P2RX3: variants seen among roughly 807,000 people sequenced by gnomAD.
The protein encoded by P2RX3 is purinergic receptor P2X 3.
A neutral mutation model predicts 51.5 loss-of-function variants in P2RX3; 41 were observed. The ratio of observed to expected loss-of-function variants is 0.80; its 90% CI spans 0.62 to 1.03. P2RX3 has a LOEUF of 1.03. P2RX3 is among the 50% of genes least tolerant of loss of function. The probability of loss-of-function intolerance (pLI) is 0.00; values close to 1 mark genes in which losing one functional copy is unlikely to be tolerated. For missense variants in P2RX3, 459 were observed against 522.1 expected (o/e 0.88, Z 1.18); for synonymous variants, 185 against 191.6 (o/e 0.97, Z 0.29).
rs555096114 is a variant in P2RX3, at chr11:57,357,711, T to C, written c.842+6813T>C. Among the ~76,000 whole-genome samples the C allele has an allele frequency of 2.6e-5, 4 of 152,310 alleles. No individual in the cohort carries two copies. The East Asian group carries it at 7.7e-4, about 29-fold the overall frequency. On this transcript the variant is annotated intron_variant, in intron 8 of 11. Coordinates refer to ENST00000263314, the MANE Select transcript of P2RX3 (RefSeq NM_002559.5). ...TTTGAGGTTGATTTGGTGCCTGGAA[T>C]ATGAATAAATAAGTATGGCTTTGGG...
chr11:57,345,877 C>G (rs374058907), intron 1 of P2RX3, among the ~76,000 whole-genome samples: 1 of 147,946 alleles, frequency 6.8e-6, no homozygotes, highest in Admixed American at 6.8e-5. Flanking sequence ...CCTCCCCCAG[C>G]CCCCCCACCT....
intron 11 of P2RX3, 44 bp downstream of exon 11, chr11:57,369,482 C>T: frequency 1.3e-6 from 2 of 1,558,430 alleles, no homozygotes; most frequent in Non-Finnish European, 8.7e-7. Flanking sequence ...GGAGAGGGGG[C>T]AGGGCAGGCA....
intron 8 of P2RX3, among the ~76,000 whole-genome samples, chr11:57,366,375 GT>G (rs1467780296): frequency 2.0e-5 from 3 of 152,164 alleles, no homozygotes; most frequent in Non-Finnish European, 4.4e-5. Flanking sequence ...ACTAACCCCT[GT>G]TTGTGGTGAG....
rs1856534113 is a variant in P2RX3 at position 57,350,819 on chromosome 11, C to T, written c.763C>T (p.Gln255Ter). The part of the protein sequence containing the change: ...WVCDLDKAWD[Q>*]CIPKYSFTRL... ...GTGCGACTTGGACAAGGCCTGGGAC[C>T]AGTGCATCCCCAAATACTCCTTCAC... Residue 255 changes from glutamine (Q) to a stop codon, truncating the protein, a stop_gained, in exon 8 of 12, where the codon CAG (glutamine) becomes TAG (stop). Transcript: ENST00000263314. LOFTEE classifies it high-confidence loss of function. 1 of 1,613,938 alleles carries T rather than the reference C, an allele frequency of 6.2e-7. No homozygotes were observed. The highest frequency in any genetic ancestry group is 1.1e-5 in the South Asian group (1 of 91,074).
intron 8 of P2RX3, among the ~76,000 whole-genome samples, chr11:57,358,473 G>T (rs1856664667): frequency 6.6e-6 from 1 of 152,234 alleles, no homozygotes; most frequent in Admixed American, 6.5e-5. Context: ...TATATGTTAT[G>T]CTGGGGCAAG....
intron 1 of P2RX3, among the ~76,000 whole-genome samples, chr11:57,345,895 A>G (rs1856422647): frequency 7.8e-6 from 1 of 127,520 alleles, no homozygotes; most frequent in South Asian, 3.1e-4. Context: ...CCTTCAACCG[A>G]GCTCCTTTAC....
chr11:57,342,759 C>A (rs1355724080), intron 1 of P2RX3, among the ~76,000 whole-genome samples: 4 of 151,726 alleles, frequency 2.6e-5, no homozygotes, highest in Middle Eastern at 6.8e-3. Context: ...TCACAAAGAC[C>A]CCCCCATCAC....
chr11:57,336,010 G>A (rs1233563704), upstream of P2RX3: 1 of 152,230 alleles, frequency 6.6e-6, no homozygotes, highest in East Asian at 1.9e-4. Context: ...CTCACCCAGG[G>A]GGAATCCGGC....
rs774532992 is a variant in P2RX3, at chr11:57,370,014, C to T, written c.*17C>T. 6 of 1,572,114 alleles carry T rather than the reference C, an allele frequency of 3.8e-6. No homozygotes were observed. The highest frequency in any genetic ancestry group is 5.2e-6 in the Non-Finnish European group (6 of 1,143,410). ...GGCCACTAGGGCCTCTTTCCAGGGC[C>T]CCACACTCACAAAGGCTCCAGGCCT... On this transcript the variant is annotated 3_prime_UTR_variant, in exon 12 of 12. Transcript: ENST00000263314.
intron 8 of P2RX3, among the ~76,000 whole-genome samples, chr11:57,357,555 G>A (rs904579079): frequency 3.3e-5 from 5 of 152,008 alleles, no homozygotes; most frequent in African/African-American, 1.2e-4. Context: ...AGCAGAGAGC[G>A]AGTAAACTGG....
intron 1 of P2RX3, among the ~76,000 whole-genome samples, chr11:57,340,389 C>T (rs898768068): frequency 6.6e-6 from 1 of 152,226 alleles, no homozygotes; most frequent in African/African-American, 2.4e-5. Flanking sequence ...TCTTTAGCAT[C>T]TTAATTTCCA....
intron 8 of P2RX3, among the ~76,000 whole-genome samples, chr11:57,358,107 A>T (rs905731902): frequency 7.3e-6 from 1 of 137,510 alleles, no homozygotes; most frequent in Non-Finnish European, 1.7e-5. Context: ...ACATCGTGAT[A>T]AAAAAACCCT....
intron 8 of P2RX3, among the ~76,000 whole-genome samples, chr11:57,361,690 A>G (rs1856721813): frequency 6.6e-6 from 1 of 152,176 alleles, no homozygotes; most frequent in Non-Finnish European, 1.5e-5. Context: ...CCAGTCTATC[A>G]TTGATGGGCA....
chr11:57,340,500 C>G (rs1856319075), intron 1 of P2RX3: 1 of 152,346 alleles, frequency 6.6e-6, no homozygotes. Flanking sequence ...GTCCCATCTC[C>G]GTGTATGTGA....
At chr11:57,366,287 G>A (rs745453463) in intron 8 of P2RX3, among the ~76,000 whole-genome samples, 33 of 152,112 alleles carry the variant, frequency 2.2e-4, no homozygotes, top group African/African-American at 7.0e-4. Context: ...CACTAACTGC[G>A]AAACCACAGG....
Position 57,366,790 on chromosome 11 carries a change from G to T in P2RX3, c.843-1219G>T, listed in dbSNP as rs548657247. ...AGGGTGTCACATGGAGAGGGGGCTG[G>T]GTGTGCTAACGTGCTAGCTCAGATC... is the stretch of plus-strand genomic sequence containing the variant. On this transcript the variant is annotated intron_variant, in intron 8 of 11. Coordinates refer to ENST00000263314, the MANE Select transcript of P2RX3 (RefSeq NM_002559.5). 2.2e-4 allele frequency among the ~76,000 whole-genome samples: 33 copies of T among 152,188 alleles called. No individual in the cohort carries two copies. In the South Asian group the frequency reaches 6.7e-3, roughly 31 times the overall value.
At chr11:57,337,523 C>A (rs1238597474), upstream of P2RX3, among the ~76,000 whole-genome samples, 1 of 151,962 alleles carries the variant, frequency 6.6e-6, no homozygotes, top group Non-Finnish European at 1.5e-5. Flanking sequence ...TTTGCAGGGA[C>A]ATGGATGAAG....
chr11:57,338,492 C>A lies in P2RX3; in HGVS notation c.-59C>A. On this transcript the variant is annotated 5_prime_UTR_variant, in exon 1 of 12. Coordinates refer to ENST00000263314, the MANE Select transcript of P2RX3 (RefSeq NM_002559.5). ...CTCGTCTCCCTGTCCTGTAGGACCTCCCTCTCCTGAGGCCACCACTGGGCC... is the reference window on the plus strand; with the variant it reads ...CTCGTCTCCCTGTCCTGTAGGACCTACCTCTCCTGAGGCCACCACTGGGCC... 7.9e-7 allele frequency: 1 copy of A among 1,264,008 alleles called. No homozygotes were observed. Among genetic ancestry groups the A allele is most frequent in the Non-Finnish European group, 1.1e-6 (1 of 883,566 alleles). 78.3% of individuals were successfully genotyped at this position (1,264,008 alleles called of 1,614,324 possible). A position where few individuals can be genotyped will look rare whatever the true frequency, so the allele number is the denominator to read the frequency against.
intron 8 of P2RX3, among the ~76,000 whole-genome samples, chr11:57,366,553 T>A (rs1382069119): frequency 1.3e-5 from 2 of 152,154 alleles, no homozygotes; most frequent in East Asian, 3.9e-4. Flanking sequence ...CAAGTCTCCT[T>A]ACCCTCTCAG....
Sources: allele counts gnomAD v4.1 joint callset (sites outside exome capture counted in the v4.1 genomes callset), GRCh38; gene constraint gnomAD v4.1.1; transcripts MANE v1.5; gene names NCBI Gene and HGNC (gene_info 2026-07-23, HGNC 2026-07-21).